The following RGS21 variants were observed in gnomAD, a reference collection of about 807,000 sequenced individuals.
The protein encoded by RGS21 is regulator of G-protein signalling 21.
Under a neutral mutation model 18.7 loss-of-function variants are expected in RGS21, and 19 were observed. That is an observed-to-expected ratio of 1.01 (90% CI 0.71 to 1.49). RGS21 has a LOEUF of 1.49. Among genes scored for constraint, RGS21 ranks in the 40% most tolerant of loss-of-function variants. RGS21 has a pLI of 0.00. For missense variants in RGS21, 194 were observed against 176.8 expected (o/e 1.10, Z -0.55); for synonymous variants, 56 against 57.8 (o/e 0.97, Z 0.14).
chr1:192,341,084 T>C (rs1658852670), intron 1 of RGS21, among the ~76,000 whole-genome samples: 1 of 152,074 alleles, frequency 6.6e-6, no homozygotes, highest in African/African-American at 2.4e-5. Flanking sequence ...TCTCTTTCCC[T>C]GCCTTTTTCA....
intron 3 of RGS21, among the ~76,000 whole-genome samples, chr1:192,348,015 T>C (rs148665062): frequency 1.3e-4 from 19 of 150,166 alleles, no homozygotes; most frequent in Admixed American, 1.3e-3. Context: ...CATACATATA[T>C]ATATGTATTT....
intron 1 of RGS21, among the ~76,000 whole-genome samples, chr1:192,338,969 T>G (rs942417718): frequency 6.6e-6 from 1 of 152,088 alleles, no homozygotes; most frequent in Non-Finnish European, 1.5e-5. Context: ...TTTCTAGTTA[T>G]GCAACCCTAA....
chr1:192,332,765 A>C (rs1412557129), intron 1 of RGS21, among the ~76,000 whole-genome samples: 1 of 152,182 alleles, frequency 6.6e-6, no homozygotes, highest in Admixed American at 6.5e-5. Context: ...CAGTTTAGCC[A>C]GACATGGCGC....
intron 1 of RGS21, among the ~76,000 whole-genome samples, chr1:192,334,244 G>A (rs543484724): frequency 2.9e-4 from 44 of 151,978 alleles, no homozygotes; most frequent in Non-Finnish European, 5.7e-4. Flanking sequence ...TTTAAAGAGC[G>A]TACTTGTCAT....
At chr1:192,331,775 A>G (rs185398502) in intron 1 of RGS21, among the ~76,000 whole-genome samples, 2 of 151,916 alleles carry the variant, frequency 1.3e-5, no homozygotes, top group Non-Finnish European at 2.9e-5. Context: ...ACTACTTTAA[A>G]TATTTTTTTA....
At chr1:192,352,260 C>T (rs1418607713) in intron 4 of RGS21, 47 bp downstream of exon 4, 2 of 1,383,248 alleles carry the variant, frequency 1.4e-6, no homozygotes, top group African/African-American at 1.5e-5. Flanking sequence ...TGTAGCAGAT[C>T]TGCTCCCAAT....
At chr1:192,332,590 AAAC>A (rs1288508232) in intron 1 of RGS21, among the ~76,000 whole-genome samples, 8 of 152,330 alleles carry the variant, frequency 5.3e-5, no homozygotes, top group African/African-American at 7.2e-5. Flanking sequence ...TTCATAAAAG[AAAC>A]AACAATAAAT....
intron 1 of RGS21, among the ~76,000 whole-genome samples, chr1:192,325,356 T>G (rs1178905484): frequency 6.6e-6 from 1 of 152,160 alleles, no homozygotes; most frequent in Admixed American, 6.6e-5. Flanking sequence ...TAGCATATTA[T>G]CTTTACCCAG....
At chr1:192,361,523 C>G (rs888706698) in intron 4 of RGS21, among the ~76,000 whole-genome samples, 1 of 152,044 alleles carries the variant, frequency 6.6e-6, no homozygotes, top group African/African-American at 2.4e-5. Context: ...GCATTCAAAT[C>G]TGTTTAAAAA....
chr1:192,357,523 T>C (rs984631573), intron 4 of RGS21, among the ~76,000 whole-genome samples: 3 of 151,894 alleles, frequency 2.0e-5, no homozygotes, highest in African/African-American at 7.2e-5. Flanking sequence ...TCACGTTCAC[T>C]CTCTTAGGGA....
intron 1 of RGS21, among the ~76,000 whole-genome samples, chr1:192,337,901 A>G (rs2102227822): frequency 6.6e-6 from 1 of 152,314 alleles, no homozygotes; most frequent in South Asian, 2.1e-4. Context: ...ATAAGAAAAG[A>G]CATTTTTACT....
intron 1 of RGS21, among the ~76,000 whole-genome samples, chr1:192,324,730 T>A (rs1344558755): frequency 6.6e-6 from 1 of 151,942 alleles, no homozygotes; most frequent in Admixed American, 6.6e-5. Flanking sequence ...ATAGAAAAAA[T>A]TACATTTGCT....
At chr1:192,338,499 G>C (rs1658805002) in intron 1 of RGS21, among the ~76,000 whole-genome samples, 1 of 152,084 alleles carries the variant, frequency 6.6e-6, no homozygotes, top group Non-Finnish European at 1.5e-5. Context: ...GTGGTGAACT[G>C]TCGTGCTCAT....
At chr1:192,349,778 C>T (rs961725559) in intron 3 of RGS21, among the ~76,000 whole-genome samples, 3 of 152,020 alleles carry the variant, frequency 2.0e-5, no homozygotes, top group Non-Finnish European at 2.9e-5. Context: ...TTGAGAGTAG[C>T]CCATCATTAA....
intron 4 of RGS21, among the ~76,000 whole-genome samples, chr1:192,359,766 C>A (rs1335968015): frequency 7.9e-6 from 1 of 126,630 alleles, no homozygotes; most frequent in Non-Finnish European, 1.6e-5. Context: ...CTATATGTAA[C>A]TTTCTCTCTC....
chr1:192,336,233 T>A (rs1040072819), intron 1 of RGS21, among the ~76,000 whole-genome samples: 1 of 152,048 alleles, frequency 6.6e-6, no homozygotes, highest in African/African-American at 2.4e-5. Context: ...GGAGGGTGGA[T>A]CACCTGAGGT....
rs146997639 is a variant in RGS21 at position 192,320,358 on chromosome 1, AAC to A, written c.-61+3259_-61+3260del. On this transcript the variant is annotated intron_variant, in intron 1 of 4. Transcript: ENST00000417209. ...ATTAAAATATTTGCATAAAAATTGCAACACACATTTTGCAAGAATACATGCAC... is the reference window on the plus strand; with the variant it reads ...ATTAAAATATTTGCATAAAAATTGCAACACATTTTGCAAGAATACATGCAC... 5.3e-5 allele frequency among the ~76,000 whole-genome samples: 8 copies of A among 152,258 alleles called. No homozygotes were observed. The East Asian group carries it at 1.5e-3, about 29-fold the overall frequency.
rs375857094 is a variant in RGS21 at position 192,338,798 on chromosome 1, A to G, written c.-60-4179A>G. Reference sequence around the variant, plus strand: ...TTACTCTACATTCAGTAGTCACTAAAGTATTTAAATACTTATTGAATACAT... The same window carrying G: ...TTACTCTACATTCAGTAGTCACTAAGGTATTTAAATACTTATTGAATACAT... On this transcript the variant is annotated intron_variant, in intron 1 of 4. Coordinates refer to ENST00000417209, the MANE Select transcript of RGS21 (RefSeq NM_001039152.3). 2.0e-4 allele frequency among the ~76,000 whole-genome samples: 30 copies of G among 152,228 alleles called. No homozygotes were observed. In the East Asian group the frequency reaches 5.6e-3, roughly 28 times the overall value.
intron 4 of RGS21, among the ~76,000 whole-genome samples, chr1:192,354,233 TA>T (rs1482699202): frequency 6.6e-6 from 1 of 151,730 alleles, no homozygotes; most frequent in Admixed American, 6.6e-5. Context: ...ACTAGTCAAA[TA>T]CACAATAGGT....
Sources: allele counts gnomAD v4.1 joint callset (sites outside exome capture counted in the v4.1 genomes callset), GRCh38; gene constraint gnomAD v4.1.1; transcripts MANE v1.5; gene names NCBI Gene and HGNC (gene_info 2026-07-23, HGNC 2026-07-21).